Variants in HOPX observed in about 807,000 individuals in gnomAD.
The protein encoded by HOPX is HOP homeobox.
In HOPX, 5 loss-of-function variants were observed where a neutral mutation model predicts 11.8. The observed-to-expected ratio is 0.43, with a 90% CI of 0.22 to 0.89. The LOEUF (loss-of-function observed/expected upper bound fraction) is 0.89, where lower values mean the gene tolerates loss of function less well. HOPX is among the 40% of genes least tolerant of loss of function. The probability of loss-of-function intolerance (pLI) is 0.28; values close to 1 mark genes in which losing one functional copy is unlikely to be tolerated. For missense variants in HOPX, 119 were observed against 120.0 expected, an observed-to-expected ratio of 0.99 and a Z score of 0.04; for synonymous variants, 49 against 49.7, an observed-to-expected ratio of 0.99 and a Z score of 0.06.
In HOPX at chr4:56,658,828, G is replaced by A. The variant is rs149291987; in HGVS notation, c.-83-929C>T. On this transcript the variant is annotated intron_variant, in intron 1 of 3. Coordinates refer to ENST00000420433, the MANE Select transcript of HOPX (RefSeq NM_032495.6). ...ATTCATATCTCATCAGACATTCAAG[G>A]AGTAATTTGTCCTGTGGTTATATTT... 1.9e-4 allele frequency among the ~76,000 whole-genome samples: 29 copies of A among 152,334 alleles called. 1 individual carries two copies. The East Asian group carries it at 5.4e-3, about 28-fold the overall frequency.
chr4:56,680,107 C>T (rs201000389), intron 1 of HOPX: 1 of 151,956 alleles, frequency 6.6e-6, no homozygotes, highest in Non-Finnish European at 1.5e-5. Flanking sequence ...GTTCCTCAGT[C>T]GGCAGCTTCA....
intron 2 of HOPX, 100 bp from the exon 3 acceptor site, chr4:56,656,112 A>G: frequency 1.6e-6 from 2 of 1,289,416 alleles, no homozygotes; most frequent in Non-Finnish European, 9.9e-7. Flanking sequence ...CCCCAGCCCC[A>G]GGCCGCCCCC....
chr4:56,656,426 C>T (rs562381025), intron 2 of HOPX: 1 of 990,624 alleles, frequency 1.0e-6, no homozygotes, highest in African/African-American at 1.7e-5. Flanking sequence ...AAAGGGGGAC[C>T]TCCCCTGGGG....
At chr4:56,675,740 C>T (rs1718979582) in intron 1 of HOPX, among the ~76,000 whole-genome samples, 1 of 151,700 alleles carries the variant, frequency 6.6e-6, no homozygotes, top group Non-Finnish European at 1.5e-5. Context: ...GCACCTCCTG[C>T]ACCAGGAGAC....
intron 1 of HOPX, chr4:56,662,861 C>G (rs1718224765): frequency 6.6e-6 from 1 of 152,194 alleles, no homozygotes; most frequent in Non-Finnish European, 1.5e-5. Context: ...TAAGCTCTAA[C>G]TTGATCATCC....
intron 1 of HOPX, among the ~76,000 whole-genome samples, chr4:56,670,786 C>T (rs965385208): frequency 1.3e-5 from 2 of 152,152 alleles, no homozygotes; most frequent in African/African-American, 4.8e-5. Flanking sequence ...TACTTGAGGT[C>T]AGGAGTTCGA....
intron 1 of HOPX, among the ~76,000 whole-genome samples, chr4:56,661,075 C>G (rs1289114499): frequency 6.6e-6 from 1 of 152,138 alleles, no homozygotes; most frequent in East Asian, 1.9e-4. Flanking sequence ...GTCTCCTGAG[C>G]AGCTGGGATT....
In HOPX at chr4:56,657,902, G is replaced by A; in HGVS notation, c.-83-3C>T. 1 of 1,549,846 alleles carries A rather than the reference G, an allele frequency of 6.5e-7. No individual in the cohort carries two copies. Among genetic ancestry groups the A allele is most frequent in the Non-Finnish European group, 8.7e-7 (1 of 1,146,420 alleles). ...CAGTGGGGCAGTCTGTCATTAGTCT[G>A]GTAGGAAAAATCAGGAGGGCAGTAG... On this transcript the variant is annotated splice_polypyrimidine_tract_variant and splice_region_variant and intron_variant, in intron 1 of 3. Transcript: ENST00000420433.
upstream of HOPX, chr4:56,681,486 G>C: frequency 1.0e-6 from 1 of 995,860 alleles, no homozygotes; most frequent in Non-Finnish European, 1.2e-6. Flanking sequence ...TGATGTTCAG[G>C]CTGGGACTTC....
intron 2 of HOPX, chr4:56,656,510 G>A (rs1717757064): frequency 2.0e-6 from 2 of 984,032 alleles, no homozygotes; most frequent in South Asian, 4.7e-5. Context: ...CCCGGTAGGC[G>A]GCCTTCTGTC....
At chr4:56,672,218 T>C (rs975725689) in intron 1 of HOPX, among the ~76,000 whole-genome samples, 2 of 151,962 alleles carry the variant, frequency 1.3e-5, no homozygotes, top group African/African-American at 4.8e-5. Context: ...ATAAAATGCT[T>C]CTAGAATTTA....
intron 1 of HOPX, among the ~76,000 whole-genome samples, chr4:56,668,249 G>A (rs1301430407): frequency 2.0e-5 from 3 of 152,132 alleles, no homozygotes; most frequent in Non-Finnish European, 1.5e-5. Context: ...TTATATACTT[G>A]TGTCATAGAT....
At chr4:56,660,552 T>C (rs928383475) in intron 1 of HOPX, among the ~76,000 whole-genome samples, 5 of 151,822 alleles carry the variant, frequency 3.3e-5, no homozygotes, top group African/African-American at 1.2e-4. Context: ...TTTATGACTT[T>C]GGGATTTGAA....
At position 56,655,900 on chromosome 4, in the gene HOPX, C is replaced by T; in HGVS notation, c.155G>A (p.Cys52Tyr). 22 of 1,611,974 alleles carry T rather than the reference C, an allele frequency of 1.4e-5. No individual in the cohort carries two copies. Among genetic ancestry groups the T allele is most frequent in the Non-Finnish European group, 1.9e-5 (22 of 1,179,116 alleles). Residue 52 changes from cysteine (C) to tyrosine (Y), a missense_variant, in exon 3 of 4, where the codon TGC (cysteine) becomes TAC (tyrosine). By Grantham distance (194) the Cys-to-Tyr change is radical. Coordinates refer to ENST00000420433, the MANE Select transcript of HOPX (RefSeq NM_032495.6). ...VDKHPDSTTL[C>Y]LIAAEAGLSE... is the part of the protein sequence containing the mutation. ...AAGGCCTGCCTCGGCCGCGATGAGG[C>T]ACAGCGTGGTGGAATCCGGGTGCTT...
At chr4:56,675,220 G>A (rs1039091244) in intron 1 of HOPX, among the ~76,000 whole-genome samples, 3 of 151,510 alleles carry the variant, frequency 2.0e-5, no homozygotes, top group Admixed American at 6.6e-5. Flanking sequence ...CCTGAGTCAC[G>A]GGGAGAGTAA....
In HOPX at chr4:56,681,206, C is replaced by A. The variant is rs570420770; in HGVS notation, c.-84+49G>T. ...CGATAGCATTTTGGTCTAGTTCCTG[C>A]ACAAACTCATTCCTCTGCATAAAAG... On this transcript the variant is annotated intron_variant, in intron 1 of 3. Transcript: ENST00000420433. 9.0e-5 allele frequency: 88 copies of A among 981,338 alleles called. No individual in the cohort carries two copies. In the African/African-American group the frequency reaches 1.5e-3, roughly 17 times the overall value. The allele number at this position is 981,338 out of a possible 1,614,324, so 60.8% of individuals were successfully genotyped here.
At chr4:56,651,869 AGAGAGTGTGTGT>A (rs1489971721) in intron 3 of HOPX, among the ~76,000 whole-genome samples, 4 of 121,710 alleles carry the variant, frequency 3.3e-5, no homozygotes, top group East Asian at 3.4e-4. Context: ...AGAGAGAGAG[AGAGAGTGTGTGT>A]GTGTGTGTGT....
chr4:56,673,483 A>AT lies in HOPX; in HGVS notation c.-84+7771dup, dbSNP rs1484500055. ...CTGTGTAATTAATTCTTTCCACTAT[A>AT]TTTTTTGTATAATGAGGGGAGTACT... On this transcript the variant is annotated intron_variant, in intron 1 of 3. Transcript: ENST00000420433. Among the ~76,000 whole-genome samples, 12 of 152,090 alleles carry AT rather than the reference A, an allele frequency of 7.9e-5. No individual in the cohort carries two copies. In the East Asian group the frequency reaches 2.1e-3, roughly 27 times the overall value.
At chr4:56,652,633 C>T (rs929625110) in intron 3 of HOPX, among the ~76,000 whole-genome samples, 2 of 152,108 alleles carry the variant, frequency 1.3e-5, no homozygotes, top group South Asian at 2.1e-4. Context: ...CATAGTGAGA[C>T]CCCCATCTCT....
Sources: gnomAD v4.1 joint callset for allele counts (sites outside exome capture counted in the v4.1 genomes callset) on GRCh38, gnomAD v4.1.1 for gene constraint, MANE v1.5 for transcripts, NCBI Gene and HGNC (gene_info 2026-07-23, HGNC 2026-07-21) for gene names.